The following MCF2L2 variants were observed in gnomAD, a reference collection of about 807,000 sequenced individuals.
MCF2L2 encodes the protein probable guanine nucleotide exchange factor MCF2L2.
MCF2L2 carries 102 observed loss-of-function variants against 150.2 expected under a neutral mutation model. The ratio of observed to expected loss-of-function variants is 0.68; its 90% confidence interval spans 0.58 to 0.80. The LOEUF (loss-of-function observed/expected upper bound fraction) is 0.80, where lower values mean the gene tolerates loss of function less well. Ranked by LOEUF, MCF2L2 falls within the 30% of genes least tolerant of loss-of-function variation. The probability of loss-of-function intolerance (pLI) is 0.00; values close to 1 mark genes in which losing one functional copy is unlikely to be tolerated. For synonymous variants in MCF2L2, 465 were observed against 491.3 expected (o/e 0.95, Z 0.71); for missense variants, 1,256 against 1,372.8 (o/e 0.91, Z 1.34).
intron 22 of MCF2L2, among the ~76,000 whole-genome samples, chr3:183,212,951 G>A (rs1321648206): frequency 7.4e-6 from 1 of 135,172 alleles, no homozygotes; most frequent in Non-Finnish European, 1.6e-5. Flanking sequence ...GGTATTGTGG[G>A]GGGGTGGGGG....
intron 8 of MCF2L2, 104 bp downstream of exon 8, chr3:183,311,544 A>G: frequency 7.5e-7 from 1 of 1,332,842 alleles, no homozygotes; most frequent in Middle Eastern, 1.9e-4. Flanking sequence ...CCTTGGCCCC[A>G]CCAAGACCCA....
Position 183,181,996 on chromosome 3 carries a change from T to C in MCF2L2, c.3017-1837A>G, listed in dbSNP as rs1721540506. On this transcript the variant is annotated intron_variant, in intron 27 of 29. Coordinates refer to ENST00000328913, the MANE Select transcript of MCF2L2 (RefSeq NM_015078.4). The surrounding 1 kb of genome is among the most constrained non-coding windows in gnomAD (Gnocchi z 4.3). ...TAAGTGGCACCTGGGGTAAAATGAC[T>C]GCCTGGAGCTGGCAGCTGCTTTCCC... Among the ~76,000 whole-genome samples the C allele has an allele frequency of 6.6e-6, 1 of 152,204 alleles. No homozygotes were observed. The highest frequency in any genetic ancestry group is 2.4e-5 in the African/African-American group (1 of 41,450).
In MCF2L2 at chr3:183,310,924, A is replaced by G. The variant is rs757221018; in HGVS notation, c.984T>C (p.Asp328=). The part of the protein sequence containing the change: ...QCLQLQHFEH[D]FCKAKLALDN... ...AACAAGAAAAGAATACCTTACAAAA[A>G]TCGTGCTCAAAATGCTGTAGTTGTA... Residue 328 remains aspartate, a synonymous_variant, in exon 9 of 30, where the codon GAT becomes GAC. Transcript: ENST00000328913. 6.2e-7 allele frequency: 1 copy of G among 1,611,896 alleles called. No individual in the cohort carries two copies. Among genetic ancestry groups the G allele is most frequent in the South Asian group, 1.1e-5 (1 of 90,820 alleles).
chr3:183,316,130 T>C (rs1283987189), intron 7 of MCF2L2, among the ~76,000 whole-genome samples: 1 of 152,134 alleles, frequency 6.6e-6, no homozygotes, highest in African/African-American at 2.4e-5. Flanking sequence ...GCAAACTCCT[T>C]CCTAGCACAC....
At chr3:183,317,126 G>A (rs951285419) in intron 7 of MCF2L2, among the ~76,000 whole-genome samples, 2 of 152,100 alleles carry the variant, frequency 1.3e-5, no homozygotes, top group African/African-American at 4.8e-5. Flanking sequence ...GACTGTGTTC[G>A]TTAAGGTTGA....
intron 22 of MCF2L2, among the ~76,000 whole-genome samples, chr3:183,209,381 T>C (rs1276172780): frequency 1.3e-5 from 2 of 152,200 alleles, no homozygotes; most frequent in Non-Finnish European, 2.9e-5. Flanking sequence ...ATCTGGAACT[T>C]TCTGAGAACC....
Position 183,340,259 on chromosome 3 carries a change from G to A in MCF2L2, c.366+1281C>T, listed in dbSNP as rs184554152. Among the ~76,000 whole-genome samples, 4 of 152,282 alleles carry A rather than the reference G, an allele frequency of 2.6e-5. No homozygotes were observed. The East Asian group carries it at 5.8e-4, about 22-fold the overall frequency. On this transcript the variant is annotated intron_variant, in intron 4 of 29. Coordinates refer to ENST00000328913, the MANE Select transcript of MCF2L2 (RefSeq NM_015078.4). ...TCTAGAGCGATCTGAGAGGGACTCCGTGTGTGTGCATGTTTGCATGTGTGA... is the reference window on the plus strand; with the variant it reads ...TCTAGAGCGATCTGAGAGGGACTCCATGTGTGTGCATGTTTGCATGTGTGA...
At chr3:183,379,146 G>A (rs1048082151) in intron 3 of MCF2L2, 151 bp downstream of exon 3, 4 of 549,762 alleles carry the variant, frequency 7.3e-6, no homozygotes, top group Non-Finnish European at 1.3e-5. Flanking sequence ...TTCCTTGCTC[G>A]TGACTGATGG....
In MCF2L2 at chr3:183,200,237, CACCA is replaced by C. The variant is rs549561696; in HGVS notation, c.2885-4986_2885-4983del. Among the ~76,000 whole-genome samples the C allele has an allele frequency of 6.5e-3, 983 of 152,316 alleles. 6 individuals carry two copies. Among genetic ancestry groups the C allele is most frequent in the African/African-American group, 0.023 (939 of 41,554 alleles). On this transcript the variant is annotated intron_variant, in intron 25 of 29. Transcript: ENST00000328913. ...CAATGGTTGAACTAATTTACAGTCC[CACCA>C]ACAGTGTAAAAGTGTTCCTATTTCT... is the stretch of plus-strand genomic sequence containing the variant.
chr3:183,212,722 A>G (rs1365275301), intron 22 of MCF2L2, among the ~76,000 whole-genome samples: 1 of 152,110 alleles, frequency 6.6e-6, no homozygotes, highest in African/African-American at 2.4e-5. Flanking sequence ...AAATGCGTCC[A>G]CACAGAGCCT....
At chr3:183,389,011 T>A (rs74535755) in intron 2 of MCF2L2, among the ~76,000 whole-genome samples, 1,560 of 152,336 alleles carry the variant, frequency 0.01, 25 homozygotes, top group African/African-American at 0.036. Context: ...CTCCATGTTA[T>A]ATACTAAGGA....
At chr3:183,284,311 C>T (rs1727670047) in intron 14 of MCF2L2, among the ~76,000 whole-genome samples, 1 of 152,176 alleles carries the variant, frequency 6.6e-6, no homozygotes, top group African/African-American at 2.4e-5. Context: ...TCTCCTTTAT[C>T]CCAAGTCCTC....
chr3:183,317,387 A>G (rs10513792), intron 7 of MCF2L2, among the ~76,000 whole-genome samples: 26,467 of 152,046 alleles, frequency 0.17, 2,688 homozygotes, highest in African/African-American at 0.27. Context: ...GAAAGGTGCC[A>G]ACACTCATCC....
chr3:183,240,289 G>A (rs1723950463), intron 15 of MCF2L2, among the ~76,000 whole-genome samples: 1 of 152,218 alleles, frequency 6.6e-6, no homozygotes, highest in African/African-American at 2.4e-5. Context: ...GAGTGCAATG[G>A]CATGATCTCG....
intron 5 of MCF2L2, among the ~76,000 whole-genome samples, chr3:183,332,624 C>G (rs1730318234): frequency 6.6e-6 from 1 of 152,128 alleles, no homozygotes. Context: ...ATGCTCAGTT[C>G]CAACTCCAAA....
intron 1 of MCF2L2, among the ~76,000 whole-genome samples, chr3:183,401,620 C>T (rs1032115842): frequency 2.6e-5 from 4 of 152,198 alleles, no homozygotes; most frequent in Non-Finnish European, 1.5e-5. Flanking sequence ...TCCCAGGCAA[C>T]CACCACTGTG....
rs777467324 is a variant in MCF2L2, at chr3:183,428,028, C to T, written c.-51G>A. ...ATAAAGCCAAACAAAACTGTTTCTA[C>T]CGCTGCGGTGGATGATTTTTTAAAG... On this transcript the variant is annotated 5_prime_UTR_variant, in exon 1 of 30. Transcript: ENST00000328913. The surrounding 1 kb of genome is among the most constrained non-coding windows in gnomAD (Gnocchi z 5.1). The T allele has an allele frequency of 1.4e-6, 2 of 1,392,406 alleles. No homozygotes were observed. Among genetic ancestry groups the T allele is most frequent in the Non-Finnish European group, 2.0e-6 (2 of 978,896 alleles). 86.3% of individuals were successfully genotyped at this position (1,392,406 alleles called of 1,614,324 possible).
chr3:183,263,594 G>T (rs1324248559), intron 15 of MCF2L2, among the ~76,000 whole-genome samples: 2 of 152,042 alleles, frequency 1.3e-5, no homozygotes, highest in East Asian at 3.9e-4. Context: ...TCCACCTAGA[G>T]AGCTTATCCA....
rs555117166 is a variant in MCF2L2 at position 183,364,790 on chromosome 3, T to C, written c.275+14507A>G. Among the ~76,000 whole-genome samples the C allele has an allele frequency of 3.3e-5, 5 of 152,268 alleles. No individual in the cohort carries two copies. The South Asian group carries it at 1.0e-3, about 32-fold the overall frequency. ...ATGCAAAAAAATTTGAAAACCTGGA[T>C]ATAAATAAGTAATTTCCTACGAAAA... On this transcript the variant is annotated intron_variant, in intron 3 of 29. Coordinates refer to ENST00000328913, the MANE Select transcript of MCF2L2 (RefSeq NM_015078.4).
Sources: allele counts gnomAD v4.1 joint callset (sites outside exome capture counted in the v4.1 genomes callset), GRCh38; gene constraint gnomAD v4.1.1; non-coding constraint Gnocchi (gnomAD v3.1); transcripts MANE v1.5; gene names NCBI Gene and HGNC (gene_info 2026-07-23, HGNC 2026-07-21).